PAPPA2: variants seen among roughly 807,000 people sequenced by gnomAD.
PAPPA2 encodes the protein pappalysin 2.
Under a neutral mutation model 176.4 loss-of-function variants are expected in PAPPA2, and 86 were observed. The observed-to-expected ratio is 0.49, with a 90% CI of 0.41 to 0.58. The LOEUF (loss-of-function observed/expected upper bound fraction) is 0.58. Ranked by LOEUF, PAPPA2 falls within the 20% of genes least tolerant of loss-of-function variation. The pLI is 0.00. For missense variants in PAPPA2, 2,073 were observed against 2,256.9 expected, an observed-to-expected ratio of 0.92 and a Z score of 1.65; for synonymous variants, 809 against 852.2, an observed-to-expected ratio of 0.95 and a Z score of 0.88.
intron 1 of PAPPA2, among the ~76,000 whole-genome samples, chr1:176,545,706 A>C (rs1650600293): frequency 6.6e-6 from 1 of 152,194 alleles, no homozygotes; most frequent in African/African-American, 2.4e-5. Context: ...TTCCTTATGG[A>C]AACTGAGGGA....
chr1:176,511,990 G>A (rs1034926118), intron 1 of PAPPA2, among the ~76,000 whole-genome samples: 20 of 151,856 alleles, frequency 1.3e-4, no homozygotes, highest in African/African-American at 4.6e-4. Flanking sequence ...AAAATACTCA[G>A]AATACCTAGG....
At chr1:176,817,496 G>A (rs961646899) in intron 21 of PAPPA2, among the ~76,000 whole-genome samples, 4 of 152,166 alleles carry the variant, frequency 2.6e-5, no homozygotes, top group African/African-American at 9.7e-5. Context: ...GTAGTCCATG[G>A]AAGAGTGACG....
At chr1:176,725,687 G>A (rs1235777742) in intron 12 of PAPPA2, among the ~76,000 whole-genome samples, 1 of 150,960 alleles carries the variant, frequency 6.6e-6, no homozygotes, top group Non-Finnish European at 1.5e-5. Flanking sequence ...TCCACACCCG[G>A]TTACACACAC....
rs2102828087 is a variant in PAPPA2 at position 176,706,424 on chromosome 1, A to G, written c.3431A>G (p.Glu1144Gly). ...GGAGATGGCTGCTCCAAGGTGTGTG[A>G]GCTGGAGGAAGGTTTCAACTGTGTA... ...VSGDGCSKVC[E>G]LEEGFNCVGE... The change falls in exon 10 of 23, where the codon GAG (glutamate) becomes GGG (glycine). Residue 1144 changes from glutamate to glycine, a missense_variant. Transcript: ENST00000367662. 2 of 1,613,788 alleles carry G rather than the reference A, an allele frequency of 1.2e-6. No homozygotes were observed. Among genetic ancestry groups the G allele is most frequent in the East Asian group, 4.5e-5 (2 of 44,852 alleles).
chr1:176,732,866 G>C (rs892609371), intron 12 of PAPPA2, among the ~76,000 whole-genome samples: 3 of 152,150 alleles, frequency 2.0e-5, no homozygotes, highest in African/African-American at 7.2e-5. Context: ...CAACCCTCAG[G>C]CTATGGAGCA....
intron 3 of PAPPA2, among the ~76,000 whole-genome samples, chr1:176,611,110 A>G (rs928751498): frequency 6.6e-6 from 1 of 152,204 alleles, no homozygotes; most frequent in Non-Finnish European, 1.5e-5. Context: ...TGTCATCAAA[A>G]TAATCATTCT....
intron 3 of PAPPA2, among the ~76,000 whole-genome samples, chr1:176,622,920 G>A (rs1248685063): frequency 6.6e-6 from 1 of 152,176 alleles, no homozygotes; most frequent in Admixed American, 6.5e-5. Flanking sequence ...AGTGTCTGGT[G>A]AGGACCTTTT....
chr1:176,517,528 C>T (rs1215047261), intron 1 of PAPPA2, among the ~76,000 whole-genome samples: 2 of 152,130 alleles, frequency 1.3e-5, no homozygotes, highest in African/African-American at 4.8e-5. Flanking sequence ...CATGACAGCT[C>T]TTCTCAGGCA....
intron 12 of PAPPA2, among the ~76,000 whole-genome samples, chr1:176,739,411 G>A (rs544307308): frequency 6.6e-6 from 1 of 152,136 alleles, no homozygotes; most frequent in South Asian, 2.1e-4. Flanking sequence ...AGGATGTTCA[G>A]CATCTGAAAA....
intron 3 of PAPPA2, among the ~76,000 whole-genome samples, chr1:176,642,497 T>G (rs2102729797): frequency 6.6e-6 from 1 of 151,910 alleles, no homozygotes. Context: ...TGCATCAACC[T>G]GACAGTGACA....
chr1:176,642,527 GA>G (rs1249512344), intron 3 of PAPPA2, among the ~76,000 whole-genome samples: 1 of 151,800 alleles, frequency 6.6e-6, no homozygotes, highest in Non-Finnish European at 1.5e-5. Flanking sequence ...ATGACTATAA[GA>G]AAGACCAGAG....
Position 176,556,108 on chromosome 1 carries a change from C to T in PAPPA2, c.-215C>T, listed in dbSNP as rs1040514291. The T allele has an allele frequency of 2.2e-5, 13 of 590,734 alleles. No individual in the cohort carries two copies. The highest frequency in any genetic ancestry group is 3.3e-5 in the Non-Finnish European group (11 of 337,318). 36.6% of individuals were successfully genotyped at this position (590,734 alleles called of 1,614,324 possible). ...CGAGAAGCGTGCGGGAAGCACATGC[C>T]CTGGGGAGGCATAGAAGCCACACTG... is the stretch of plus-strand genomic sequence containing the variant. On this transcript the variant is annotated 5_prime_UTR_variant, in exon 2 of 23. Coordinates refer to ENST00000367662, the MANE Select transcript of PAPPA2 (RefSeq NM_020318.3).
At chr1:176,531,787 A>G (rs1649824694) in intron 1 of PAPPA2, among the ~76,000 whole-genome samples, 3 of 152,242 alleles carry the variant, frequency 2.0e-5, no homozygotes, top group African/African-American at 7.2e-5. Flanking sequence ...TAAACAGATC[A>G]GTTAAAAAAT....
chr1:176,600,697 AAT>A (rs1356484269), intron 3 of PAPPA2, among the ~76,000 whole-genome samples: 1 of 151,086 alleles, frequency 6.6e-6, no homozygotes, highest in Non-Finnish European at 1.5e-5. Context: ...AAAAAAAAAA[AAT>A]CACAGAGCTC....
At position 176,473,378 on chromosome 1, in the gene PAPPA2, T is replaced by C. The variant is rs544864229; in HGVS notation, c.-917+9960T>C. ...ATGGCTTGGTATCTCATTTCTTTTT[T>C]TAGTACTGAATAATATCCTCTTGTC... On this transcript the variant is annotated intron_variant, in intron 1 of 22. Transcript: ENST00000367662. Among the ~76,000 whole-genome samples the C allele has an allele frequency of 3.9e-5, 6 of 152,318 alleles. No individual in the cohort carries two copies. The East Asian group carries it at 5.8e-4, about 15-fold the overall frequency.
chr1:176,663,013 T>C (rs986799959), intron 3 of PAPPA2, among the ~76,000 whole-genome samples: 1 of 152,176 alleles, frequency 6.6e-6, no homozygotes, highest in African/African-American at 2.4e-5. Flanking sequence ...TCAAGAAAAG[T>C]ATTTATTGAA....
intron 3 of PAPPA2, among the ~76,000 whole-genome samples, chr1:176,606,696 CT>C (rs1654632893): frequency 6.6e-6 from 1 of 152,122 alleles, no homozygotes; most frequent in Non-Finnish European, 1.5e-5. Context: ...AAATTCTGAC[CT>C]TGTGATCTGC....
intron 12 of PAPPA2, among the ~76,000 whole-genome samples, chr1:176,734,305 A>T (rs1007795941): frequency 1.3e-5 from 2 of 151,970 alleles, no homozygotes; most frequent in Admixed American, 1.3e-4. Flanking sequence ...CAAATCATAC[A>T]TTGTTGAATG....
chr1:176,674,019 C>T (rs1488695464), intron 4 of PAPPA2, among the ~76,000 whole-genome samples: 4 of 152,016 alleles, frequency 2.6e-5, no homozygotes, highest in African/African-American at 9.7e-5. Context: ...TTGTGATTTT[C>T]TTTTAAGATA....
Sources: allele counts gnomAD v4.1 joint callset (sites outside exome capture counted in the v4.1 genomes callset), GRCh38; gene constraint gnomAD v4.1.1; transcripts MANE v1.5; gene names NCBI Gene and HGNC (gene_info 2026-07-23, HGNC 2026-07-21).